CNTNAP2: variants seen among roughly 807,000 people sequenced by gnomAD.
CNTNAP2 encodes contactin associated protein 2.
A neutral mutation model predicts 155.2 loss-of-function variants in CNTNAP2; 98 were observed. That is an observed-to-expected ratio of 0.63 (90% CI 0.54 to 0.75). The LOEUF is 0.75. Among genes scored for constraint, CNTNAP2 ranks in the 30% least tolerant of loss-of-function variants. The pLI, the probability that CNTNAP2 is intolerant of heterozygous loss-of-function variation, is 0.00. For synonymous variants in CNTNAP2, 651 were observed against 631.2 expected (o/e 1.03, Z -0.47); for missense variants, 1,727 against 1,688.1 (o/e 1.02, Z -0.40).
In CNTNAP2 at chr7:147,479,073, C is replaced by G. The variant is rs550860865; in HGVS notation, c.1671-6862C>G. On this transcript the variant is annotated intron_variant, in intron 10 of 23. Transcript: ENST00000361727. ...ATCCTCATTCCTGTGTGCAGACTTTCTTCTCTAGCTAAACTCACTGATTTA... is the reference window on the plus strand; with the variant it reads ...ATCCTCATTCCTGTGTGCAGACTTTGTTCTCTAGCTAAACTCACTGATTTA... Among the ~76,000 whole-genome samples the G allele has an allele frequency of 3.0e-3, 458 of 152,304 alleles. 1 individual carries two copies. Among genetic ancestry groups the G allele is most frequent in the Non-Finnish European group, 5.8e-3 (393 of 68,012 alleles).
intron 8 of CNTNAP2, among the ~76,000 whole-genome samples, chr7:147,157,150 G>A (rs1408923036): frequency 6.6e-6 from 1 of 151,920 alleles, no homozygotes; most frequent in African/African-American, 2.4e-5. Context: ...ATATTTCTTG[G>A]TAACCAGGGA....
chr7:147,071,030 A>T (rs1359379088), intron 4 of CNTNAP2, among the ~76,000 whole-genome samples: 1 of 151,944 alleles, frequency 6.6e-6, no homozygotes, highest in Admixed American at 6.6e-5. Flanking sequence ...CTCATTATGT[A>T]TCCCTCTGTG....
chr7:146,900,662 A>G (rs1262451350), intron 3 of CNTNAP2, among the ~76,000 whole-genome samples: 1 of 152,064 alleles, frequency 6.6e-6, no homozygotes, highest in Non-Finnish European at 1.5e-5. Context: ...ATTCTGCTTA[A>G]TTCCTGTGTT....
At chr7:147,896,821 G>C (rs1799784454) in intron 13 of CNTNAP2, among the ~76,000 whole-genome samples, 1 of 152,316 alleles carries the variant, frequency 6.6e-6, no homozygotes, top group Non-Finnish European at 1.5e-5. Flanking sequence ...CACCAGGCAA[G>C]AAGGAGGTCT....
At chr7:146,166,070 C>T (rs189939909) in intron 1 of CNTNAP2, among the ~76,000 whole-genome samples, 1 of 152,164 alleles carries the variant, frequency 6.6e-6, no homozygotes, top group Admixed American at 6.6e-5. Flanking sequence ...CACATTCCCC[C>T]ACCCCTGTTT....
chr7:146,905,988 T>A (rs1044418234), intron 3 of CNTNAP2, among the ~76,000 whole-genome samples: 2 of 152,318 alleles, frequency 1.3e-5, no homozygotes, highest in Non-Finnish European at 2.9e-5. Context: ...TTGCCTCACC[T>A]GGGAAGCGCA....
intron 3 of CNTNAP2, among the ~76,000 whole-genome samples, chr7:147,039,677 T>C (rs1410757754): frequency 3.3e-5 from 5 of 152,160 alleles, no homozygotes; most frequent in Non-Finnish European, 7.3e-5. Context: ...TATATTCCTC[T>C]GAGTATATTC....
intron 1 of CNTNAP2, among the ~76,000 whole-genome samples, chr7:146,158,859 G>C (rs1168285962): frequency 6.6e-6 from 1 of 152,124 alleles, no homozygotes; most frequent in East Asian, 1.9e-4. Flanking sequence ...TAATGAGGCA[G>C]GCCAACATTC....
chr7:147,090,295 AAAG>A lies in CNTNAP2; in HGVS notation c.551-17847_551-17845del, dbSNP rs554137387. On this transcript the variant is annotated intron_variant, in intron 4 of 23. Transcript: ENST00000361727. ...ACTGTGAACCAGATCTTGATTTAGT[AAAG>A]AAGACTGATATAGAACATATAAGCG... is the stretch of plus-strand genomic sequence containing the variant. 4.9e-4 allele frequency among the ~76,000 whole-genome samples: 75 copies of A among 151,768 alleles called. 1 individual carries two copies. Among genetic ancestry groups the A allele is most frequent in the Non-Finnish European group, 8.4e-4 (57 of 67,980 alleles).
At chr7:148,036,729 A>G (rs1456372025) in intron 15 of CNTNAP2, among the ~76,000 whole-genome samples, 1 of 152,158 alleles carries the variant, frequency 6.6e-6, no homozygotes, top group Non-Finnish European at 1.5e-5. Flanking sequence ...ATCATATAAT[A>G]TATTAGCTGC....
At chr7:146,144,902 G>A (rs1202821669) in intron 1 of CNTNAP2, among the ~76,000 whole-genome samples, 2 of 152,118 alleles carry the variant, frequency 1.3e-5, no homozygotes, top group Non-Finnish European at 2.9e-5. Context: ...GTGAATGGAA[G>A]GGCTTAGGTA....
intron 8 of CNTNAP2, among the ~76,000 whole-genome samples, chr7:147,174,456 T>C (rs1168475489): frequency 6.6e-6 from 1 of 152,144 alleles, no homozygotes; most frequent in Non-Finnish European, 1.5e-5. Context: ...TTGCAAATAT[T>C]AAGAAAGCAA....
At chr7:146,196,618 G>T (rs1021707602) in intron 1 of CNTNAP2, among the ~76,000 whole-genome samples, 5 of 151,884 alleles carry the variant, frequency 3.3e-5, no homozygotes, top group African/African-American at 1.2e-4. Flanking sequence ...AGAGAATTGT[G>T]GGACCTAGAG....
intron 8 of CNTNAP2, among the ~76,000 whole-genome samples, chr7:147,242,432 A>G (rs1227308173): frequency 6.6e-6 from 1 of 152,182 alleles, no homozygotes; most frequent in Non-Finnish European, 1.5e-5. Flanking sequence ...CCAGTTCTGT[A>G]ACTTCTATTT....
intron 1 of CNTNAP2, among the ~76,000 whole-genome samples, chr7:146,552,627 C>T (rs1798138913): frequency 6.6e-6 from 1 of 151,968 alleles, no homozygotes; most frequent in Admixed American, 6.6e-5. Context: ...TCTTTCCTCC[C>T]CCTAACGACT....
chr7:147,450,720 A>G (rs1371156100), intron 10 of CNTNAP2, among the ~76,000 whole-genome samples: 1 of 152,188 alleles, frequency 6.6e-6, no homozygotes, highest in Non-Finnish European at 1.5e-5. Flanking sequence ...CTTTATTTTG[A>G]CTTTAAGATG....
At chr7:147,657,861 C>T (rs982033872) in intron 13 of CNTNAP2, among the ~76,000 whole-genome samples, 1 of 152,070 alleles carries the variant, frequency 6.6e-6, no homozygotes, top group Non-Finnish European at 1.5e-5. Context: ...GCCTGAGTAT[C>T]GGGTTTAGAA....
chr7:146,150,991 G>A (rs915357799), intron 1 of CNTNAP2, among the ~76,000 whole-genome samples: 2 of 152,074 alleles, frequency 1.3e-5, no homozygotes, highest in Non-Finnish European at 2.9e-5. Flanking sequence ...TACAGTCATG[G>A]CTGAAGGCGA....
chr7:147,755,503 A>G (rs1251077111), intron 13 of CNTNAP2, among the ~76,000 whole-genome samples: 1 of 152,120 alleles, frequency 6.6e-6, no homozygotes, highest in Non-Finnish European at 1.5e-5. Context: ...AAATACAAAA[A>G]TTAGCCAGGC....
Sources: gnomAD v4.1 joint callset for allele counts (sites outside exome capture counted in the v4.1 genomes callset) on GRCh38, gnomAD v4.1.1 for gene constraint, MANE v1.5 for transcripts, NCBI Gene and HGNC (gene_info 2026-07-23, HGNC 2026-07-21) for gene names.